SSBP3: variants seen among roughly 807,000 people sequenced by gnomAD.
The protein encoded by SSBP3 is single stranded DNA binding protein 3.
A neutral mutation model predicts 69.6 loss-of-function variants in SSBP3; 5 were observed. The observed-to-expected ratio is 0.07, with a 90% CI of 0.04 to 0.15. SSBP3 has a LOEUF of 0.15. Ranked by LOEUF, SSBP3 falls within the 10% of genes least tolerant of loss-of-function variation. The probability of loss-of-function intolerance (pLI) is 1.00; values close to 1 mark genes in which losing one functional copy is unlikely to be tolerated. For missense variants in SSBP3, 312 were observed against 534.0 expected (o/e 0.58, Z 4.10); for synonymous variants, 196 against 193.4 (o/e 1.01, Z -0.11).
At chr1:54,243,925 A>AG (rs1553123927) in intron 9 of SSBP3, among the ~76,000 whole-genome samples, 2 of 150,354 alleles carry the variant, frequency 1.3e-5, no homozygotes, top group South Asian at 2.3e-4. Flanking sequence ...TGTGTGTGTG[A>AG]GTTTTTTTTT....
Position 54,404,676 on chromosome 1 carries a change from G to A in SSBP3, c.130-39C>T, listed in dbSNP as rs774056926. Reference sequence around the variant, plus strand: ...AGCAGAAGCAGCTTAGAGGAGCAGAGACGGGGTGGGCTGGGGGCTTCCCAG... The same window carrying A: ...AGCAGAAGCAGCTTAGAGGAGCAGAAACGGGGTGGGCTGGGGGCTTCCCAG... On this transcript the variant is annotated intron_variant, in intron 2 of 17. Transcript: ENST00000610401. 6.2e-6 allele frequency: 10 copies of A among 1,612,364 alleles called. No individual in the cohort carries two copies. In the Admixed American group the frequency reaches 1.2e-4, roughly 19 times the overall value.
intron 4 of SSBP3, among the ~76,000 whole-genome samples, chr1:54,326,926 TG>T (rs756747873): frequency 2.0e-5 from 3 of 151,878 alleles, no homozygotes; most frequent in Non-Finnish European, 4.4e-5. Context: ...TCCTCCTGTT[TG>T]GTTTGTGGAC....
chr1:54,289,039 A>AAC (rs1193929141), intron 4 of SSBP3, among the ~76,000 whole-genome samples: 41 of 53,648 alleles, frequency 7.6e-4, no homozygotes, highest in African/African-American at 4.5e-3. Flanking sequence ...AAAAAAAACA[A>AAC]AAAAACAAAA....
chr1:54,270,776 C>T (rs193202828), intron 5 of SSBP3, among the ~76,000 whole-genome samples: 20 of 152,332 alleles, frequency 1.3e-4, no homozygotes, highest in East Asian at 5.8e-4. Context: ...CATCATCTCA[C>T]GGCATTCTCG....
At chr1:54,326,156 A>AT (rs1163844168) in intron 4 of SSBP3, among the ~76,000 whole-genome samples, 10 of 152,182 alleles carry the variant, frequency 6.6e-5, no homozygotes, top group Non-Finnish European at 1.5e-4. Flanking sequence ...GCAGTGGGTA[A>AT]TTAGAGTCTC....
At chr1:54,296,745 T>C (rs924733630) in intron 4 of SSBP3, among the ~76,000 whole-genome samples, 8 of 152,216 alleles carry the variant, frequency 5.3e-5, no homozygotes, top group African/African-American at 1.9e-4. Flanking sequence ...CCAGAAATAC[T>C]TGCCAAATGG....
At chr1:54,284,754 CCAT>C (rs1645457585) in intron 4 of SSBP3, among the ~76,000 whole-genome samples, 3 of 152,042 alleles carry the variant, frequency 2.0e-5, no homozygotes, top group African/African-American at 7.3e-5. Flanking sequence ...CAGGTGTGAA[CCAT>C]CGTGTCTGGC....
At chr1:54,271,359 C>T (rs771054067) in intron 5 of SSBP3, among the ~76,000 whole-genome samples, 52 of 152,324 alleles carry the variant, frequency 3.4e-4, no homozygotes, top group Middle Eastern at 3.4e-3. Context: ...CCTCCTGCCT[C>T]GGCCTCTCAA....
intron 4 of SSBP3, among the ~76,000 whole-genome samples, chr1:54,397,531 G>C (rs1648981140): frequency 6.6e-6 from 1 of 152,176 alleles, no homozygotes; most frequent in Non-Finnish European, 1.5e-5. Context: ...CAGTCTTGTT[G>C]GGGTGGGAGA....
At chr1:54,354,359 CAT>C (rs1198856142) in intron 4 of SSBP3, among the ~76,000 whole-genome samples, 1 of 152,192 alleles carries the variant, frequency 6.6e-6, no homozygotes, top group Non-Finnish European at 1.5e-5. Context: ...TCCCACAAAA[CAT>C]AAGCCAATGC....
intron 4 of SSBP3, among the ~76,000 whole-genome samples, chr1:54,327,273 AC>A (rs1335768757): frequency 7.1e-4 from 85 of 119,160 alleles, no homozygotes; most frequent in Non-Finnish European, 7.4e-4. Context: ...AGGAAGGAAA[AC>A]AACAACAAGA....
At chr1:54,248,257 G>A (rs947492326) in intron 9 of SSBP3, among the ~76,000 whole-genome samples, 1 of 152,210 alleles carries the variant, frequency 6.6e-6, no homozygotes, top group Non-Finnish European at 1.5e-5. Flanking sequence ...TTATGCTGAA[G>A]GGGCTGGCCG....
chr1:54,316,623 G>A (rs2100331103), intron 4 of SSBP3, among the ~76,000 whole-genome samples: 1 of 134,962 alleles, frequency 7.4e-6, no homozygotes, highest in African/African-American at 3.0e-5. Context: ...AGTCCCACCT[G>A]GGCGACAGAG....
At chr1:54,271,850 A>G (rs1645200298) in intron 5 of SSBP3, among the ~76,000 whole-genome samples, 1 of 151,904 alleles carries the variant, frequency 6.6e-6, no homozygotes, top group African/African-American at 2.4e-5. Flanking sequence ...GCTCACTGCA[A>G]CCTCTGCCTC....
chr1:54,306,900 C>T (rs547209334), intron 4 of SSBP3, among the ~76,000 whole-genome samples: 31 of 152,160 alleles, frequency 2.0e-4, no homozygotes, highest in Non-Finnish European at 4.0e-4. Flanking sequence ...GTGGCATGCG[C>T]CTAACACGAG....
chr1:54,279,971 T>C (rs1416625375), intron 5 of SSBP3, among the ~76,000 whole-genome samples: 1 of 152,186 alleles, frequency 6.6e-6, no homozygotes, highest in African/African-American at 2.4e-5. Flanking sequence ...CACACACCTA[T>C]TTCTGGGGCT....
At chr1:54,346,811 T>C (rs1479656689) in intron 4 of SSBP3, among the ~76,000 whole-genome samples, 2 of 146,144 alleles carry the variant, frequency 1.4e-5, no homozygotes, top group African/African-American at 5.1e-5. Flanking sequence ...TGAGACTCCA[T>C]CTCAAGGAAA....
intron 4 of SSBP3, among the ~76,000 whole-genome samples, chr1:54,332,606 C>T (rs1249647494): frequency 6.6e-6 from 1 of 152,196 alleles, no homozygotes; most frequent in East Asian, 1.9e-4. Context: ...TAAGAAGTCA[C>T]TTCACCTTCC....
At chr1:54,242,025 C>A (rs1053528667) in intron 11 of SSBP3, 139 bp downstream of exon 11, 6 of 1,005,436 alleles carry the variant, frequency 6.0e-6, no homozygotes, top group Non-Finnish European at 9.0e-6. Flanking sequence ...CACCTCCACA[C>A]GGCCTTCTCC....
Sources: allele counts gnomAD v4.1 joint callset (sites outside exome capture counted in the v4.1 genomes callset), GRCh38; gene constraint gnomAD v4.1.1; transcripts MANE v1.5; gene names NCBI Gene and HGNC (gene_info 2026-07-23, HGNC 2026-07-21).